LRRN4: variants seen among roughly 807,000 people sequenced by gnomAD.
LRRN4 encodes the protein leucine-rich repeat neuronal protein 4.
LRRN4 carries 26 observed loss-of-function variants against 22.3 expected under a neutral mutation model. The observed-to-expected ratio is 1.16, with a 90% confidence interval of 0.85 to 1.62. LRRN4 has a LOEUF of 1.62. Among genes scored for constraint, LRRN4 ranks in the 40% most tolerant of loss-of-function variants. LRRN4 has a pLI of 0.00. For synonymous variants in LRRN4, 496 were observed against 486.2 expected (o/e 1.02, Z -0.26); for missense variants, 1,070 against 1,008.5 (o/e 1.06, Z -0.83).
chr20:6,041,260 G>A lies in LRRN4; in HGVS notation c.1985C>T (p.Pro662Leu), dbSNP rs1160337594. The A allele has an allele frequency of 6.3e-7, 1 of 1,585,772 alleles. No individual in the cohort carries two copies. The highest frequency in any genetic ancestry group is 8.6e-7 in the Non-Finnish European group (1 of 1,167,324). ...CGGGCTCCTCCAGCCCGAAGACCGT[G>A]GCTGGCTCAAGCCCGCCCTGTTGGC... ...LAANRAGLSQ[P>L]RSSGWRSPCA... Residue 662 changes from proline (P) to leucine (L), a missense_variant, in exon 5 of 5, where the codon CCA (proline) becomes CTA (leucine). Transcript: ENST00000378858. This position sits in a 1 kb window ranked among gnomAD's most constrained non-coding sequence, Gnocchi z 9.4.
At chr20:6,052,029 A>T in intron 2 of LRRN4, 116 bp downstream of exon 2, 1 of 1,304,694 alleles carries the variant, frequency 7.7e-7, no homozygotes, top group Non-Finnish European at 1.0e-6. Flanking sequence ...GAACCCTCCT[A>T]CGAGCTGGGC....
chr20:6,044,773 G>A, intron 3 of LRRN4, 93 bp from the exon 4 acceptor site: 1 of 1,161,358 alleles, frequency 8.6e-7, no homozygotes, highest in Non-Finnish European at 1.1e-6. Context: ...CCATGCCCAT[G>A]GTATCAGAAG....
rs202159541 is a variant in LRRN4, at chr20:6,041,692, T to G, written c.1553A>C (p.Glu518Ala). The G allele has an allele frequency of 8.7e-5, 141 of 1,613,042 alleles. No individual in the cohort carries two copies. Among genetic ancestry groups the G allele is most frequent in the Non-Finnish European group, 1.2e-4 (136 of 1,179,410 alleles). ...GTCGTCCAGCAGCAAGACTGGAATC[T>G]CGCCCTCGGAAAGACTCGGGTTGGG... ...QAPNPSLSEG[E>A]IPVLLLDDYS... Residue 518 changes from glutamate to alanine, a missense_variant, in exon 5 of 5, where the codon GAG becomes GCG. By Grantham distance (107) the Glu-to-Ala change is moderately radical. Transcript: ENST00000378858. The surrounding 1 kb of genome is among the most constrained non-coding windows in gnomAD (Gnocchi z 9.4).
At chr20:6,047,417 GAC>G (rs151015009) in intron 3 of LRRN4, among the ~76,000 whole-genome samples, 20,487 of 134,684 alleles carry the variant, frequency 0.15, 1,589 homozygotes, top group Middle Eastern at 0.24. Flanking sequence ...TAAAGAAGCA[GAC>G]ACACATACAC....
chr20:6,042,046 G>A lies in LRRN4; in HGVS notation c.1199C>T (p.Ala400Val), dbSNP rs952331446. The A allele has an allele frequency of 3.1e-6, 5 of 1,613,800 alleles. No individual in the cohort carries two copies. Among genetic ancestry groups the A allele is most frequent in the African/African-American group, 1.3e-5 (1 of 74,924 alleles). ...CTTGGAGACACTCTGCTGGTCTCCC[G>A]CAGGCCGGGTGGCGGGGGCTGCGCT... is the stretch of plus-strand genomic sequence containing the variant. ...APSAAPATRP[A>V]GDQQSVSKAP... is the part of the protein sequence containing the mutation. The change falls in exon 5 of 5, where the codon GCG (alanine) becomes GTG (valine). Residue 400 changes from alanine (A) to valine (V), a missense_variant. By Grantham distance (64) the Ala-to-Val change is moderately conservative. Coordinates refer to ENST00000378858, the MANE Select transcript of LRRN4 (RefSeq NM_152611.5).
chr20:6,044,470 A>T, intron 4 of LRRN4, 73 bp downstream of exon 4: 1 of 1,326,224 alleles, frequency 7.5e-7, no homozygotes. Flanking sequence ...CATGAGCAAG[A>T]TGTAAGCTGG....
In LRRN4 at chr20:6,041,792, G is replaced by A. The variant is rs778396530; in HGVS notation, c.1453C>T (p.Pro485Ser). 5.6e-6 allele frequency: 9 copies of A among 1,614,140 alleles called. No homozygotes were observed. Among genetic ancestry groups the A allele is most frequent in the Non-Finnish European group, 7.6e-6 (9 of 1,180,016 alleles). ...STPLASKLLG[P>S]FPTSWDRSIS... The stretch of plus-strand genomic sequence containing the variant: ...CTGCGGTCCCACGAGGTAGGGAAGG[G>A]GCCCAGGAGCTTGCTGGCCAGTGGG... The change falls in exon 5 of 5, where the codon CCC becomes TCC. Residue 485 changes from proline to serine, a missense_variant. By Grantham distance (74) the Pro-to-Ser change is moderately conservative (BLOSUM62 -1). Coordinates refer to ENST00000378858, the MANE Select transcript of LRRN4 (RefSeq NM_152611.5). This position sits in a 1 kb window ranked among gnomAD's most constrained non-coding sequence, Gnocchi z 9.4.
At chr20:6,049,915 AC>A (rs544344559) in intron 3 of LRRN4, among the ~76,000 whole-genome samples, 11 of 152,228 alleles carry the variant, frequency 7.2e-5, no homozygotes, top group Admixed American at 7.2e-4. Context: ...CAACACCATC[AC>A]CATCACTGTC....
Position 6,052,304 on chromosome 20 carries a change from A to G in LRRN4, c.496T>C (p.Phe166Leu). 6.5e-7 allele frequency: 1 copy of G among 1,532,372 alleles called. No individual in the cohort carries two copies. Among genetic ancestry groups the G allele is most frequent in the African/African-American group, 1.4e-5 (1 of 70,570 alleles). 94.9% of individuals were successfully genotyped at this position (1,532,372 alleles called of 1,614,324 possible). A position where few individuals can be genotyped will look rare whatever the true frequency, so the allele number is the denominator to read the frequency against. Residue 166 changes from phenylalanine (F) to leucine (L), a missense_variant, in exon 2 of 5, where the codon TTC (phenylalanine) becomes CTC (leucine). By Grantham distance (22) the Phe-to-Leu change is conservative. Transcript: ENST00000378858. ...NPLRALQPRA[F>L]ACFPALQLLN... ...AGCTGCAGCGCGGGGAAGCAGGCGAAGGCCCGGGGCTGCAGCGCCCGCAGC... is the reference window on the plus strand; with the variant it reads ...AGCTGCAGCGCGGGGAAGCAGGCGAGGGCCCGGGGCTGCAGCGCCCGCAGC...
chr20:6,042,950 C>T (rs117432000), intron 4 of LRRN4, among the ~76,000 whole-genome samples: 1 of 151,438 alleles, frequency 6.6e-6, no homozygotes, highest in East Asian at 2.0e-4. Flanking sequence ...CTCATACTAG[C>T]TACCATTTCT....
intron 4 of LRRN4, among the ~76,000 whole-genome samples, chr20:6,044,143 G>A (rs1230044650): frequency 2.6e-5 from 4 of 152,146 alleles, no homozygotes; most frequent in Admixed American, 6.5e-5. Context: ...GTAAGCCCAC[G>A]GGCCTAGGAC....
At position 6,052,556 on chromosome 20, in the gene LRRN4, CG is replaced by C; in HGVS notation, c.243del (p.Asp81GlufsTer10). 6.3e-7 allele frequency: 1 copy of C among 1,578,078 alleles called. No homozygotes were observed. The highest frequency in any genetic ancestry group is 8.5e-7 in the Non-Finnish European group (1 of 1,171,202). ...AGGGCGCGCAGCAGGTTGTGGCTGG[CG>C]TCGAGGCTGCGCAGTGTGCGCGGTA... is the stretch of plus-strand genomic sequence containing the variant. ...GCLPRTLRSL[D>X]ASHNLLRALS... On this transcript the variant is annotated frameshift_variant, in exon 2 of 5. Coordinates refer to ENST00000378858, the MANE Select transcript of LRRN4 (RefSeq NM_152611.5). LOFTEE classifies it high-confidence loss of function.
intron 3 of LRRN4, among the ~76,000 whole-genome samples, chr20:6,050,499 T>C (rs1981217044): frequency 1.3e-5 from 2 of 152,354 alleles, no homozygotes; most frequent in South Asian, 4.1e-4. Context: ...CTTCCCACTG[T>C]AAATTTCTAA....
intron 3 of LRRN4, among the ~76,000 whole-genome samples, chr20:6,046,500 C>T (rs780073809): frequency 6.7e-6 from 1 of 148,458 alleles, no homozygotes; most frequent in Admixed American, 6.8e-5. Flanking sequence ...TTGACTTTCT[C>T]GACTCCCTGA....
chr20:6,046,798 T>C (rs1981110070), intron 3 of LRRN4, among the ~76,000 whole-genome samples: 1 of 148,986 alleles, frequency 6.7e-6, no homozygotes, highest in Non-Finnish European at 1.5e-5. Context: ...ACTTAAGCCA[T>C]ATGTGCATAT....
intron 3 of LRRN4, among the ~76,000 whole-genome samples, chr20:6,049,870 TCATCAC>T (rs1384350445): frequency 1.3e-5 from 2 of 152,076 alleles, no homozygotes; most frequent in African/African-American, 4.8e-5. Context: ...ACAGCCTTCA[TCATCAC>T]CATCACCATC....
Position 6,041,164 on chromosome 20 carries a change from A to C in LRRN4, c.2081T>G (p.Leu694Trp), listed in dbSNP as rs756604803. 1 of 1,602,898 alleles carries C rather than the reference A, an allele frequency of 6.2e-7. No homozygotes were observed. Among genetic ancestry groups the C allele is most frequent in the Non-Finnish European group, 8.5e-7 (1 of 1,174,290 alleles). ...LSGLCAASGL[L>W]LASTVVLSAC... ...GGACAGCACCACGGTGCTGGCGAGC[A>C]ACAGGCCGCTGGCGGCGCACAGCCC... The change falls in exon 5 of 5, where the codon TTG (leucine) becomes TGG (tryptophan). Residue 694 changes from leucine to tryptophan, a missense_variant. Coordinates refer to ENST00000378858, the MANE Select transcript of LRRN4 (RefSeq NM_152611.5). The surrounding 1 kb of genome is among the most constrained non-coding windows in gnomAD (Gnocchi z 9.4).
At chr20:6,047,601 A>AT (rs1336475378) in intron 3 of LRRN4, among the ~76,000 whole-genome samples, 1 of 151,170 alleles carries the variant, frequency 6.6e-6, no homozygotes, top group African/African-American at 2.4e-5. Flanking sequence ...TCCGGCCAAC[A>AT]TGATGAAACC....
Position 6,052,344 on chromosome 20 carries a change from C to A in LRRN4, c.456G>T (p.Ala152=), listed in dbSNP as rs1042773852. ...GCGCCCGCAGCGGATTCCCGGCGAG[C>A]GCCAGGGCGCGGAGGCTGCTCAGCG... ...GPALSSLRAL[A]LAGNPLRALQ... The change falls in exon 2 of 5, where the codon GCG becomes GCT. Residue 152 remains alanine (A), a synonymous_variant. Coordinates refer to ENST00000378858, the MANE Select transcript of LRRN4 (RefSeq NM_152611.5). 2.5e-5 allele frequency: 37 copies of A among 1,505,846 alleles called. No homozygotes were observed. Among genetic ancestry groups the A allele is most frequent in the Non-Finnish European group, 3.2e-5 (36 of 1,136,052 alleles). 93.3% of individuals were successfully genotyped at this position (1,505,846 alleles called of 1,614,324 possible).
Sources: allele counts gnomAD v4.1 joint callset (sites outside exome capture counted in the v4.1 genomes callset), GRCh38; gene constraint gnomAD v4.1.1; non-coding constraint Gnocchi (gnomAD v3.1); transcripts MANE v1.5; gene names NCBI Gene and HGNC (gene_info 2026-07-23, HGNC 2026-07-21).